JARID2: variants seen among roughly 807,000 people sequenced by gnomAD.
JARID2 encodes the protein protein Jumonji.
In JARID2, 21 loss-of-function variants were observed where a neutral mutation model predicts 125.6. That is an observed-to-expected ratio of 0.17 (90% CI 0.12 to 0.24). JARID2 has a LOEUF of 0.24. Ranked by LOEUF, JARID2 falls within the 10% of genes least tolerant of loss-of-function variation. JARID2 has a pLI of 1.00. For missense variants in JARID2, 1,303 were observed against 1,639.6 expected (o/e 0.79, Z 3.55); for synonymous variants, 736 against 661.6 (o/e 1.11, Z -1.73).
Position 15,520,245 on chromosome 6 carries a change from A to T in JARID2, c.3735A>T (p.Ser1245=). 1.3e-6 allele frequency: 2 copies of T among 1,591,330 alleles called. No individual in the cohort carries two copies. Among genetic ancestry groups the T allele is most frequent in the South Asian group, 2.3e-5 (2 of 87,438 alleles). The change falls in exon 18 of 18, where the codon TCA becomes TCT. Residue 1245 remains serine, a synonymous_variant. Coordinates refer to ENST00000341776, the MANE Select transcript of JARID2 (RefSeq NM_004973.4). ...GTTCATCCAAAAGTGCTTCGAGCTC[A>T]TCATGAAGATGCCAACGCCCGTGGT... ...ASSSSKSASS[S]S
chr6:15,490,797 G>A (rs1229334886), intron 6 of JARID2, among the ~76,000 whole-genome samples: 2 of 152,230 alleles, frequency 1.3e-5, no homozygotes, highest in Non-Finnish European at 2.9e-5. Flanking sequence ...TTCTAGCAAG[G>A]GTTTTGAAGT....
intron 4 of JARID2, 126 bp downstream of exon 4, chr6:15,452,301 G>A: frequency 3.6e-6 from 5 of 1,385,776 alleles, no homozygotes; most frequent in Non-Finnish European, 4.8e-6. Context: ...TGGGTTGAGG[G>A]GGAATTGAAA....
intron 3 of JARID2, among the ~76,000 whole-genome samples, chr6:15,448,375 CTG>C (rs1767768068): frequency 6.6e-6 from 1 of 152,154 alleles, no homozygotes; most frequent in Admixed American, 6.5e-5. Context: ...GCTCCGTTGT[CTG>C]TGCTTCGTCT....
intron 3 of JARID2, among the ~76,000 whole-genome samples, chr6:15,427,607 C>T (rs745794744): frequency 6.6e-6 from 1 of 152,052 alleles, no homozygotes; most frequent in Non-Finnish European, 1.5e-5. Context: ...TTTGTCTCAT[C>T]CCTTTGCCCT....
rs1348419988 is a variant in JARID2, at chr6:15,515,981, C to T, written c.3451-1180C>T. Among the ~76,000 whole-genome samples the T allele has an allele frequency of 7.2e-5, 10 of 138,710 alleles. No individual in the cohort carries two copies. In the East Asian group the frequency reaches 1.9e-3, roughly 26 times the overall value. 91.0% of individuals were successfully genotyped at this position (138,710 alleles called of 152,430 possible). A position where few individuals can be genotyped will look rare whatever the true frequency, so the allele number is the denominator to read the frequency against. ...TCGCGCCATCGCCCAGGTGACAGTG[C>T]GAGACTCCATCTCAAAAAAAAAAAA... is the stretch of plus-strand genomic sequence containing the variant. On this transcript the variant is annotated intron_variant, in intron 16 of 17. Transcript: ENST00000341776.
chr6:15,476,318 G>GC (rs1388949830), intron 5 of JARID2, among the ~76,000 whole-genome samples: 1 of 152,202 alleles, frequency 6.6e-6, no homozygotes, highest in Non-Finnish European at 1.5e-5. Flanking sequence ...CCACAAAAGA[G>GC]CAGAGTGGCT....
intron 1 of JARID2, among the ~76,000 whole-genome samples, chr6:15,265,649 C>T (rs951655772): frequency 6.6e-6 from 1 of 152,176 alleles, no homozygotes; most frequent in Admixed American, 6.5e-5. Flanking sequence ...GGACAGGTCA[C>T]TTTCCAGGCA....
Position 15,504,412 on chromosome 6 carries a change from G to T in JARID2, c.2449-88G>T, listed in dbSNP as rs940781678. The T allele has an allele frequency of 4.3e-6, 4 of 928,610 alleles. No homozygotes were observed. In the East Asian group the frequency reaches 7.2e-5, roughly 17 times the overall value. 57.5% of individuals were successfully genotyped at this position (928,610 alleles called of 1,614,324 possible). On this transcript the variant is annotated intron_variant, in intron 8 of 17. Coordinates refer to ENST00000341776, the MANE Select transcript of JARID2 (RefSeq NM_004973.4). ...GCCCACAGCCGCAGGGACGCCAAGGGGCAGCGGCCCATGACAGGTGTCTGG... is the reference window on the plus strand; with the variant it reads ...GCCCACAGCCGCAGGGACGCCAAGGTGCAGCGGCCCATGACAGGTGTCTGG...
intron 1 of JARID2, among the ~76,000 whole-genome samples, chr6:15,321,139 C>T (rs1237235426): frequency 1.3e-5 from 2 of 152,114 alleles, no homozygotes; most frequent in East Asian, 3.8e-4. Flanking sequence ...AAGAATTCAA[C>T]AGTCTGATTA....
chr6:15,353,889 CT>C (rs1561809781), intron 1 of JARID2, among the ~76,000 whole-genome samples: 1 of 152,198 alleles, frequency 6.6e-6, no homozygotes, highest in South Asian at 2.1e-4. Flanking sequence ...AGGAACTGAT[CT>C]TTTATGTACA....
intron 2 of JARID2, among the ~76,000 whole-genome samples, chr6:15,375,525 A>G (rs1764320020): frequency 6.6e-6 from 1 of 152,194 alleles, no homozygotes; most frequent in Non-Finnish European, 1.5e-5. Context: ...TTGCCATAGA[A>G]TCCAATTTAG....
rs75082549 is a variant in JARID2, at chr6:15,327,799, C to T, written c.46-46318C>T. 9.3e-3 allele frequency among the ~76,000 whole-genome samples: 1,412 copies of T among 152,268 alleles called. 85 individuals carry two copies. In the East Asian group the frequency reaches 0.15, roughly 16 times the overall value. On this transcript the variant is annotated intron_variant, in intron 1 of 17. Transcript: ENST00000341776. Reference sequence around the variant, plus strand: ...GGCTTGGTTGTGACCTGGACTGCAACGCGGTCTCTGCTGTCTTTACTTTCA... The same window carrying T: ...GGCTTGGTTGTGACCTGGACTGCAATGCGGTCTCTGCTGTCTTTACTTTCA...
intron 3 of JARID2, among the ~76,000 whole-genome samples, chr6:15,415,894 G>A (rs908774040): frequency 2.6e-5 from 4 of 151,718 alleles, no homozygotes; most frequent in African/African-American, 9.7e-5. Context: ...CTCCCGGATG[G>A]GGTGGTGCCA....
intron 3 of JARID2, among the ~76,000 whole-genome samples, chr6:15,438,988 C>T (rs530026049): frequency 3.6e-4 from 54 of 150,306 alleles, no homozygotes; most frequent in Admixed American, 2.5e-3. Flanking sequence ...GCTGAGATCA[C>T]GCCACTGCAC....
At chr6:15,406,219 A>T (rs1765643471) in intron 2 of JARID2, among the ~76,000 whole-genome samples, 1 of 152,144 alleles carries the variant, frequency 6.6e-6, no homozygotes, top group Non-Finnish European at 1.5e-5. Flanking sequence ...GTGTATCACA[A>T]GGTCAAGAGA....
chr6:15,294,053 A>G (rs2061304836), intron 1 of JARID2, among the ~76,000 whole-genome samples: 1 of 152,218 alleles, frequency 6.6e-6, no homozygotes, highest in African/African-American at 2.4e-5. Context: ...CAGGACTTCT[A>G]CTTCCAATAA....
At chr6:15,486,035 A>G (rs572134109) in intron 5 of JARID2, among the ~76,000 whole-genome samples, 1 of 152,294 alleles carries the variant, frequency 6.6e-6, no homozygotes, top group South Asian at 2.1e-4. Flanking sequence ...GATGGCCTGG[A>G]GCTGCTCAAG....
intron 1 of JARID2, among the ~76,000 whole-genome samples, chr6:15,261,744 G>T (rs896542145): frequency 6.6e-6 from 1 of 151,174 alleles, no homozygotes; most frequent in Non-Finnish European, 1.5e-5. Context: ...TCCCTACTAC[G>T]TCCTACTGTA....
At position 15,417,781 on chromosome 6, in the gene JARID2, C is replaced by A. The variant is rs58480722; in HGVS notation, c.323+7416C>A. Among the ~76,000 whole-genome samples the A allele has an allele frequency of 2.8e-3, 431 of 152,246 alleles. 2 individuals carry two copies. Among genetic ancestry groups the A allele is most frequent in the African/African-American group, 9.9e-3 (411 of 41,532 alleles). On this transcript the variant is annotated intron_variant, in intron 3 of 17. Coordinates refer to ENST00000341776, the MANE Select transcript of JARID2 (RefSeq NM_004973.4). ...TAAGCGAATAAATAAATAAAAAATT[C>A]TCATGTATAAATGGTACTCTGTATG...
Sources: allele counts gnomAD v4.1 joint callset (sites outside exome capture counted in the v4.1 genomes callset), GRCh38; gene constraint gnomAD v4.1.1; transcripts MANE v1.5; gene names NCBI Gene and HGNC (gene_info 2026-07-23, HGNC 2026-07-21).